The following FOXN3 variants were observed in gnomAD, a reference collection of about 807,000 sequenced individuals.
The protein encoded by FOXN3 is forkhead box N3.
Under a neutral mutation model 38.4 loss-of-function variants are expected in FOXN3, and 7 were observed. The ratio of observed to expected loss-of-function variants is 0.18; its 90% CI spans 0.10 to 0.34. FOXN3 has a LOEUF of 0.34. Among genes scored for constraint, FOXN3 ranks in the 10% least tolerant of loss-of-function variants. The probability of loss-of-function intolerance (pLI) is 1.00; values close to 1 mark genes in which losing one functional copy is unlikely to be tolerated. For missense variants in FOXN3, 456 were observed against 613.4 expected (o/e 0.74, Z 2.71); for synonymous variants, 230 against 242.2 (o/e 0.95, Z 0.47).
At chr14:89,328,853 C>T (rs553625726) in intron 3 of FOXN3, among the ~76,000 whole-genome samples, 45 of 152,290 alleles carry the variant, frequency 3.0e-4, no homozygotes, top group East Asian at 1.9e-3. Flanking sequence ...AGAGCAGGTA[C>T]CATCCTCCAT....
At chr14:89,332,392 T>C (rs574156244) in intron 3 of FOXN3, among the ~76,000 whole-genome samples, 13 of 152,156 alleles carry the variant, frequency 8.5e-5, no homozygotes, top group Non-Finnish European at 1.8e-4. Flanking sequence ...TCAGTTCCCA[T>C]ATACCCTTAC....
chr14:89,260,786 T>G (rs1261599078), intron 4 of FOXN3, among the ~76,000 whole-genome samples: 1 of 152,252 alleles, frequency 6.6e-6, no homozygotes, highest in Non-Finnish European at 1.5e-5. Context: ...CTCAGATTTT[T>G]AAAGATCTTA....
chr14:89,297,559 C>CAAAAAAAAAAA (rs919496715), intron 3 of FOXN3, among the ~76,000 whole-genome samples: 1 of 103,554 alleles, frequency 9.7e-6, no homozygotes, highest in Non-Finnish European at 2.0e-5. Flanking sequence ...GACTCCCTTT[C>CAAAAAAAAAAA]AAAAAAAAAA....
At chr14:89,178,336 G>A (rs1355914685) in intron 5 of FOXN3, among the ~76,000 whole-genome samples, 1 of 152,150 alleles carries the variant, frequency 6.6e-6, no homozygotes. Flanking sequence ...TTTTTGTAGA[G>A]CTGGGATCTC....
chr14:89,464,319 A>G (rs1442040799), intron 1 of FOXN3, among the ~76,000 whole-genome samples: 1 of 151,956 alleles, frequency 6.6e-6, no homozygotes, highest in East Asian at 1.9e-4. Context: ...TCAAGTGCCT[A>G]CTCTACTTGG....
chr14:89,439,050 G>T (rs1162688822), intron 1 of FOXN3, among the ~76,000 whole-genome samples: 2 of 152,092 alleles, frequency 1.3e-5, no homozygotes, highest in African/African-American at 2.4e-5. Context: ...GAGCCACCAC[G>T]CCTGGCCTTA....
intron 2 of FOXN3, among the ~76,000 whole-genome samples, chr14:89,394,944 C>A (rs952919524): frequency 2.0e-5 from 3 of 152,208 alleles, no homozygotes; most frequent in African/African-American, 7.2e-5. Flanking sequence ...CTTTGAAAAT[C>A]ACACACAACC....
At chr14:89,607,021 G>GA (rs1896289474) in intron 1 of FOXN3, among the ~76,000 whole-genome samples, 1 of 152,018 alleles carries the variant, frequency 6.6e-6, no homozygotes, top group African/African-American at 2.4e-5. Context: ...TAATAACCAA[G>GA]AAAATTAAAA....
chr14:89,359,129 T>C (rs1301418170), intron 2 of FOXN3, among the ~76,000 whole-genome samples: 4 of 152,028 alleles, frequency 2.6e-5, no homozygotes, highest in African/African-American at 9.7e-5. Context: ...AACCTGTCTC[T>C]GCTAAAAATA....
At position 89,214,025 on chromosome 14, in the gene FOXN3, C is replaced by CA. The variant is rs547531101; in HGVS notation, c.746-33220dup. 5.9e-5 allele frequency among the ~76,000 whole-genome samples: 9 copies of CA among 151,822 alleles called. No individual in the cohort carries two copies. In the East Asian group the frequency reaches 7.7e-4, roughly 13 times the overall value. The stretch of plus-strand genomic sequence containing the variant: ...TAAGTCTCTTGGGGCAATATGCAAA[C>CA]AAAAAAAAGTGGCAAAATGTTCTGG... On this transcript the variant is annotated intron_variant, in intron 4 of 5. Coordinates refer to ENST00000557258, the MANE Select transcript of FOXN3 (RefSeq NM_005197.4).
At chr14:89,440,947 A>G (rs66662065) in intron 1 of FOXN3, among the ~76,000 whole-genome samples, 55,035 of 152,046 alleles carry the variant, frequency 0.36, 10,583 homozygotes, top group East Asian at 0.57. Context: ...CAAGGCAGAC[A>G]TGATGGCAAT....
intron 3 of FOXN3, among the ~76,000 whole-genome samples, chr14:89,309,762 C>A (rs1325550649): frequency 6.6e-6 from 1 of 152,174 alleles, no homozygotes; most frequent in Non-Finnish European, 1.5e-5. Flanking sequence ...TTGAGCCTCA[C>A]CTCACTCAGT....
At chr14:89,437,559 A>G (rs1220356991) in intron 1 of FOXN3, among the ~76,000 whole-genome samples, 1 of 152,216 alleles carries the variant, frequency 6.6e-6, no homozygotes, top group Non-Finnish European at 1.5e-5. Context: ...GCATTCCCAG[A>G]CAGTTAAGGC....
intron 1 of FOXN3, among the ~76,000 whole-genome samples, chr14:89,562,581 C>T (rs376746256): frequency 1.2e-4 from 18 of 152,202 alleles, no homozygotes; most frequent in African/African-American, 4.3e-4. Context: ...ATTTACATAG[C>T]TACTCTACAC....
At chr14:89,415,081 C>T (rs1891658162) in intron 1 of FOXN3, among the ~76,000 whole-genome samples, 1 of 152,124 alleles carries the variant, frequency 6.6e-6, no homozygotes, top group African/African-American at 2.4e-5. Flanking sequence ...ATTATAGCAC[C>T]ACTTGTCTTT....
intron 2 of FOXN3, among the ~76,000 whole-genome samples, chr14:89,390,139 T>C (rs762347091): frequency 3.3e-5 from 5 of 151,368 alleles, no homozygotes; most frequent in Middle Eastern, 3.2e-3. Context: ...GGTGGGAGGA[T>C]TGCTTGAGCC....
At chr14:89,246,417 C>T (rs1391551851) in intron 4 of FOXN3, among the ~76,000 whole-genome samples, 1 of 152,068 alleles carries the variant, frequency 6.6e-6, no homozygotes, top group Non-Finnish European at 1.5e-5. Context: ...CCATGGTTTT[C>T]ACAGGCTCCG....
At chr14:89,383,029 G>GTTTTTTTTTTTTTTTTTTTTTTT (rs57032907) in intron 2 of FOXN3, among the ~76,000 whole-genome samples, 1 of 92,514 alleles carries the variant, frequency 1.1e-5, no homozygotes, top group Admixed American at 1.5e-4. Flanking sequence ...TTTGGGTGGT[G>GTTTTTTTTTTTTTTTTTTTTTTT]TTTTTTTTTT....
intron 5 of FOXN3, among the ~76,000 whole-genome samples, chr14:89,179,354 C>T (rs1162983741): frequency 2.6e-5 from 4 of 152,274 alleles, no homozygotes; most frequent in South Asian, 2.1e-4. Flanking sequence ...AGAAGCTGCA[C>T]GCGGCAGGGG....
Sources: allele counts gnomAD v4.1 joint callset (sites outside exome capture counted in the v4.1 genomes callset), GRCh38; gene constraint gnomAD v4.1.1; transcripts MANE v1.5; gene names NCBI Gene and HGNC (gene_info 2026-07-23, HGNC 2026-07-21).